Variants in PGGT1B observed in about 807,000 individuals in gnomAD.
The protein encoded by PGGT1B is geranylgeranyl transferase type-1 subunit beta.
Under a neutral mutation model 46.1 loss-of-function variants are expected in PGGT1B, and 30 were observed. The observed-to-expected ratio is 0.65, with a 90% CI of 0.49 to 0.88. The LOEUF is 0.88. Among genes scored for constraint, PGGT1B ranks in the 40% least tolerant of loss-of-function variants. The pLI is 0.00. For missense variants in PGGT1B, 376 were observed against 455.9 expected, an observed-to-expected ratio of 0.82 and a Z score of 1.60; for synonymous variants, 170 against 160.0, an observed-to-expected ratio of 1.06 and a Z score of -0.47.
intron 6 of PGGT1B, among the ~76,000 whole-genome samples, chr5:115,229,894 C>T (rs1391757057): frequency 6.6e-6 from 1 of 151,934 alleles, no homozygotes; most frequent in Admixed American, 6.6e-5. Context: ...AGAGGAAACT[C>T]CAGGACAGTG....
intron 6 of PGGT1B, among the ~76,000 whole-genome samples, chr5:115,223,375 G>C (rs1356589042): frequency 6.6e-6 from 1 of 152,132 alleles, no homozygotes; most frequent in African/African-American, 2.4e-5. Flanking sequence ...GGTATTATCT[G>C]GGTGGGCCCT....
In PGGT1B at chr5:115,209,585, T is replaced by C. The variant is rs1220703200; in HGVS notation, c.*2817A>G. ...TTTTGAAGTTCATAGAGATACCTTGTCATCTAGCGTTGTAATAGTGTCTGT... is the reference window on the plus strand; with the variant it reads ...TTTTGAAGTTCATAGAGATACCTTGCCATCTAGCGTTGTAATAGTGTCTGT... On this transcript the variant is annotated 3_prime_UTR_variant, in exon 9 of 9. Transcript: ENST00000419445. 6.6e-6 allele frequency: 1 copy of C among 152,162 alleles called. No individual in the cohort carries two copies. The highest frequency in any genetic ancestry group is 2.4e-5 in the African/African-American group (1 of 41,440). The allele number at this position is 152,162 out of a possible 1,614,324, so 9.4% of individuals were successfully genotyped here.
chr5:115,225,283 T>A (rs776392315), intron 6 of PGGT1B, among the ~76,000 whole-genome samples: 1 of 152,232 alleles, frequency 6.6e-6, no homozygotes, highest in African/African-American at 2.4e-5. Context: ...AGAATTAGCA[T>A]ATGCAGAATA....
chr5:115,250,434 A>T (rs906524315), intron 2 of PGGT1B, among the ~76,000 whole-genome samples: 1 of 152,208 alleles, frequency 6.6e-6, no homozygotes, highest in Admixed American at 6.5e-5. Flanking sequence ...GAGGGAAAAG[A>T]AATAGAAGAC....
At chr5:115,257,284 G>C (rs1466736601) in intron 1 of PGGT1B, among the ~76,000 whole-genome samples, 4 of 152,120 alleles carry the variant, frequency 2.6e-5, no homozygotes, top group Non-Finnish European at 4.4e-5. Flanking sequence ...AGGTCAAAGC[G>C]GGTGGATCAA....
intron 7 of PGGT1B, among the ~76,000 whole-genome samples, chr5:115,221,142 A>C (rs1010022801): frequency 6.6e-6 from 1 of 151,906 alleles, no homozygotes; most frequent in African/African-American, 2.4e-5. Flanking sequence ...TAAGAGAAAA[A>C]ATTAGGATAT....
At chr5:115,256,255 C>A (rs1748307668) in intron 1 of PGGT1B, among the ~76,000 whole-genome samples, 1 of 152,152 alleles carries the variant, frequency 6.6e-6, no homozygotes, top group Admixed American at 6.5e-5. Context: ...GTCCATACAA[C>A]CAAGAATTAT....
At chr5:115,255,087 C>A (rs1252228166) in intron 1 of PGGT1B, among the ~76,000 whole-genome samples, 1 of 152,136 alleles carries the variant, frequency 6.6e-6, no homozygotes, top group Non-Finnish European at 1.5e-5. Flanking sequence ...TTAATCATTA[C>A]TATACCTTAT....
chr5:115,240,194 A>T (rs1399127181), intron 3 of PGGT1B, among the ~76,000 whole-genome samples: 1 of 152,186 alleles, frequency 6.6e-6, no homozygotes, highest in Non-Finnish European at 1.5e-5. Context: ...CAGGTGAATG[A>T]AGGTCCAAAA....
rs775611402 is a variant in PGGT1B, at chr5:115,230,957, C to T, written c.658+19G>A. On this transcript the variant is annotated intron_variant, in intron 6 of 8. Transcript: ENST00000419445. ...GGGAACAAAAGAAACTACATGTTCACTTATTTAAGATGTCTTACCATGAGA... is the reference window on the plus strand; with the variant it reads ...GGGAACAAAAGAAACTACATGTTCATTTATTTAAGATGTCTTACCATGAGA... 6.7e-7 allele frequency: 1 copy of T among 1,496,790 alleles called. No homozygotes were observed. The highest frequency in any genetic ancestry group is 9.2e-7 in the Non-Finnish European group (1 of 1,081,978). 92.7% of individuals were successfully genotyped at this position (1,496,790 alleles called of 1,614,324 possible).
chr5:115,247,137 T>C (rs1471724507), intron 2 of PGGT1B, among the ~76,000 whole-genome samples: 1 of 152,166 alleles, frequency 6.6e-6, no homozygotes, highest in African/African-American at 2.4e-5. Context: ...AAACTTAGTG[T>C]TTTACTATTA....
intron 2 of PGGT1B, among the ~76,000 whole-genome samples, chr5:115,250,414 T>C (rs1217241671): frequency 6.6e-6 from 1 of 152,152 alleles, no homozygotes; most frequent in African/African-American, 2.4e-5. Flanking sequence ...TGATACACAA[T>C]AAGCACTGAG....
intron 5 of PGGT1B, among the ~76,000 whole-genome samples, chr5:115,234,816 C>T (rs537820647): frequency 4.2e-4 from 64 of 151,980 alleles, no homozygotes; most frequent in South Asian, 8.3e-4. Context: ...TGAGGCATCA[C>T]GATAGATTCA....
intron 2 of PGGT1B, among the ~76,000 whole-genome samples, chr5:115,242,398 C>T (rs1291050372): frequency 2.6e-5 from 4 of 151,666 alleles, no homozygotes; most frequent in South Asian, 2.1e-4. Flanking sequence ...GTAAATGCAC[C>T]GCTGATAAAA....
chr5:115,227,802 T>C, intron 6 of PGGT1B, among the ~76,000 whole-genome samples: 1 of 152,232 alleles, frequency 6.6e-6, no homozygotes. Context: ...CAAAAATGTC[T>C]ATTCTCAGAG....
At chr5:115,260,893 T>C (rs903330124) in intron 1 of PGGT1B, among the ~76,000 whole-genome samples, 1 of 152,212 alleles carries the variant, frequency 6.6e-6, no homozygotes, top group Non-Finnish European at 1.5e-5. Context: ...TCTATATGGA[T>C]TTGTCCAAGC....
Position 115,210,011 on chromosome 5 carries a change from T to C in PGGT1B, c.*2391A>G, listed in dbSNP as rs2126982454. The stretch of plus-strand genomic sequence containing the variant: ...ACAGTTTTCAAATTATATACCACTG[T>C]CAGCAAGATTTCTATATGAATTTAG... On this transcript the variant is annotated 3_prime_UTR_variant, in exon 9 of 9. Coordinates refer to ENST00000419445, the MANE Select transcript of PGGT1B (RefSeq NM_005023.4). 1 of 152,226 alleles carries C rather than the reference T, an allele frequency of 6.6e-6. No homozygotes were observed. Among genetic ancestry groups the C allele is most frequent in the East Asian group, 1.9e-4 (1 of 5,186 alleles). 9.4% of individuals were successfully genotyped at this position (152,226 alleles called of 1,614,324 possible).
At chr5:115,253,064 T>A in intron 2 of PGGT1B, 73 bp downstream of exon 2, 2 of 1,328,328 alleles carry the variant, frequency 1.5e-6, no homozygotes, top group Non-Finnish European at 1.0e-6. Context: ...AGTACTAAGA[T>A]TTTCTAGTCC....
chr5:115,260,393 T>C (rs1748504294), intron 1 of PGGT1B, among the ~76,000 whole-genome samples: 1 of 152,174 alleles, frequency 6.6e-6, no homozygotes, highest in South Asian at 2.1e-4. Context: ...GGAGGCACTC[T>C]ATGAATGACT....
Sources: allele counts gnomAD v4.1 joint callset (sites outside exome capture counted in the v4.1 genomes callset), GRCh38; gene constraint gnomAD v4.1.1; transcripts MANE v1.5; gene names NCBI Gene and HGNC (gene_info 2026-07-23, HGNC 2026-07-21).